MLLT3: variants seen among roughly 807,000 people sequenced by gnomAD.
MLLT3 encodes the protein MLLT3 super elongation complex subunit.
In MLLT3, 4 loss-of-function variants were observed where a neutral mutation model predicts 53.2. That is an observed-to-expected ratio of 0.08 (90% CI 0.04 to 0.17). The LOEUF (loss-of-function observed/expected upper bound fraction) is 0.17, where lower values mean the gene tolerates loss of function less well. MLLT3 is among the 10% of genes least tolerant of loss of function. The pLI is 1.00. For missense variants in MLLT3, 569 were observed against 684.0 expected, an observed-to-expected ratio of 0.83 and a Z score of 1.87; for synonymous variants, 283 against 230.6, an observed-to-expected ratio of 1.23 and a Z score of -2.06.
intron 2 of MLLT3, among the ~76,000 whole-genome samples, chr9:20,549,727 T>G (rs1394613847): frequency 2.6e-5 from 4 of 152,186 alleles, no homozygotes; most frequent in African/African-American, 7.2e-5. Flanking sequence ...CTGAGAATTA[T>G]AAAGACCACT....
intron 2 of MLLT3, among the ~76,000 whole-genome samples, chr9:20,468,490 T>A (rs992053107): frequency 4.6e-5 from 7 of 152,058 alleles, no homozygotes; most frequent in Admixed American, 3.9e-4. Context: ...TGAAAAAGCT[T>A]TAAGTAAGGC....
At chr9:20,517,596 G>T (rs10046877) in intron 2 of MLLT3, among the ~76,000 whole-genome samples, 64,279 of 152,052 alleles carry the variant, frequency 0.42, 13,779 homozygotes, top group South Asian at 0.5. Flanking sequence ...CAGCACTTTG[G>T]GAGGCTGAGG....
chr9:20,416,966 C>T (rs1401339214), intron 4 of MLLT3, among the ~76,000 whole-genome samples: 1 of 152,010 alleles, frequency 6.6e-6, no homozygotes, highest in Non-Finnish European at 1.5e-5. Context: ...CTCAGATACA[C>T]AGCCAGACAT....
chr9:20,599,947 T>C (rs746161488), intron 2 of MLLT3, among the ~76,000 whole-genome samples: 2 of 152,056 alleles, frequency 1.3e-5, no homozygotes, highest in Non-Finnish European at 2.9e-5. Context: ...ACCTATATAA[T>C]ATTATATTGT....
intron 4 of MLLT3, among the ~76,000 whole-genome samples, chr9:20,417,213 G>A (rs571851445): frequency 6.5e-5 from 9 of 138,664 alleles, no homozygotes; most frequent in African/African-American, 8.0e-5. Context: ...ATATATATAT[G>A]GGGGTCTTGT....
At chr9:20,514,055 C>A (rs924283132) in intron 2 of MLLT3, among the ~76,000 whole-genome samples, 2 of 151,944 alleles carry the variant, frequency 1.3e-5, no homozygotes, top group East Asian at 3.9e-4. Context: ...GTGGTCCTCT[C>A]CCCTAGGGAG....
At chr9:20,465,244 C>CA (rs1338287028) in intron 2 of MLLT3, among the ~76,000 whole-genome samples, 3 of 151,928 alleles carry the variant, frequency 2.0e-5, no homozygotes, top group African/African-American at 7.2e-5. Context: ...GGGAAAAGTA[C>CA]AAAAAGAGAT....
chr9:20,488,253 G>A (rs929219192), intron 2 of MLLT3, among the ~76,000 whole-genome samples: 1 of 151,858 alleles, frequency 6.6e-6, no homozygotes, highest in African/African-American at 2.4e-5. Context: ...TTCCAGCTTG[G>A]GGTAACAAAA....
rs771330413 is a variant in MLLT3, at chr9:20,504,591, G to T, written c.194-47805C>A. 8.6e-4 allele frequency among the ~76,000 whole-genome samples: 131 copies of T among 152,216 alleles called. No homozygotes were observed. The Middle Eastern group carries it at 0.031, about 36-fold the overall frequency. ...GTAGAATGGTGGTGGGTGGGGGCAG[G>T]TGGAGAGTTGGGGAGATGTTGTTCA... On this transcript the variant is annotated intron_variant, in intron 2 of 10. Coordinates refer to ENST00000380338, the MANE Select transcript of MLLT3 (RefSeq NM_004529.4).
chr9:20,449,182 T>C (rs757886869), intron 3 of MLLT3, among the ~76,000 whole-genome samples: 2 of 152,222 alleles, frequency 1.3e-5, no homozygotes, highest in Non-Finnish European at 2.9e-5. Flanking sequence ...ATTGCCTTCT[T>C]ATTATCACCA....
chr9:20,410,054 T>A (rs571856061), intron 5 of MLLT3, among the ~76,000 whole-genome samples: 1 of 152,190 alleles, frequency 6.6e-6, no homozygotes, highest in Non-Finnish European at 1.5e-5. Flanking sequence ...AACTTAAGAC[T>A]TTTTATCTTG....
At chr9:20,402,746 G>A (rs1289989552) in intron 5 of MLLT3, among the ~76,000 whole-genome samples, 1 of 152,092 alleles carries the variant, frequency 6.6e-6, no homozygotes, top group Non-Finnish European at 1.5e-5. Context: ...AGGACACAAA[G>A]TCTATCAAAA....
At chr9:20,509,240 A>C (rs541788491) in intron 2 of MLLT3, among the ~76,000 whole-genome samples, 6 of 152,332 alleles carry the variant, frequency 3.9e-5, no homozygotes, top group Admixed American at 1.3e-4. Context: ...GAAGTCTACC[A>C]AAGATGGCAA....
Position 20,343,214 on chromosome 9 carries a change from A to ATTTT in MLLT3, c.*3225_*3228dup, listed in dbSNP as rs1554673308. 0.026 allele frequency: 2,968 copies of ATTTT among 115,904 alleles called. 101 individuals carry two copies. Among genetic ancestry groups the ATTTT allele is most frequent in the Admixed American group, 0.058 (518 of 8,940 alleles). 7.2% of individuals were successfully genotyped at this position (115,904 alleles called of 1,614,324 possible). On this transcript the variant is annotated 3_prime_UTR_variant, in exon 11 of 11. Coordinates refer to ENST00000380338, the MANE Select transcript of MLLT3 (RefSeq NM_004529.4). ...AAAAAAAAAAAAAAAAAAAAAAAAA[A>ATTTT]TTTTGAAGAAACTTTTTAGTGGAAG...
chr9:20,420,331 A>G (rs1214582644), intron 4 of MLLT3, among the ~76,000 whole-genome samples: 1 of 152,230 alleles, frequency 6.6e-6, no homozygotes, highest in African/African-American at 2.4e-5. Flanking sequence ...CTAAAAAGAC[A>G]AAGATCAGAT....
rs562199031 is a variant in MLLT3, at chr9:20,585,639, T to C, written c.193+35015A>G. On this transcript the variant is annotated intron_variant, in intron 2 of 10. Coordinates refer to ENST00000380338, the MANE Select transcript of MLLT3 (RefSeq NM_004529.4). ...GTAGTGGTATCATTGTTTTTGTTAA[T>C]TTGCAATTCTCTAATGACGTGATAT... Among the ~76,000 whole-genome samples, 11 of 152,364 alleles carry C rather than the reference T, an allele frequency of 7.2e-5. No homozygotes were observed. In the South Asian group the frequency reaches 2.3e-3, roughly 32 times the overall value.
intron 8 of MLLT3, among the ~76,000 whole-genome samples, chr9:20,359,602 A>C (rs921749522): frequency 2.6e-5 from 4 of 152,240 alleles, no homozygotes; most frequent in Non-Finnish European, 5.9e-5. Flanking sequence ...CTTATAAATG[A>C]GGAATTTTAA....
chr9:20,416,917 G>C (rs1046700423), intron 4 of MLLT3, among the ~76,000 whole-genome samples: 1 of 152,092 alleles, frequency 6.6e-6, no homozygotes, highest in Non-Finnish European at 1.5e-5. Context: ...ATTGTCACCA[G>C]TCTCCATGTT....
In MLLT3 at chr9:20,414,042, G is replaced by C. The variant is rs977018657; in HGVS notation, c.804C>G (p.Asn268Lys). 22 of 1,614,006 alleles carry C rather than the reference G, an allele frequency of 1.4e-5. No individual in the cohort carries two copies. The highest frequency in any genetic ancestry group is 1.9e-5 in the Non-Finnish European group (22 of 1,180,016). The part of the protein sequence containing the change: ...PMSKEPKPDS[N>K]LLTITSGQDK... ...CTTGTCCACTGGTGATGGTGAGTAA[G>C]TTACTATCTGGTTTTGGCTCTTTTG... The change falls in exon 5 of 11, where the codon AAC becomes AAG. Residue 268 changes from asparagine (N) to lysine (K), a missense_variant. This residue lies in a region of MLLT3 where 437 missense variants were observed against 376.5 expected (regional missense o/e 1.16). Transcript: ENST00000380338.
Sources: gnomAD v4.1 joint callset for allele counts (sites outside exome capture counted in the v4.1 genomes callset) on GRCh38, gnomAD v4.1.1 for gene constraint, gnomAD v4.1.1 regional missense constraint, MANE v1.5 for transcripts, NCBI Gene and HGNC (gene_info 2026-07-23, HGNC 2026-07-21) for gene names.